PI4KA: variants seen among roughly 807,000 people sequenced by gnomAD.
The protein encoded by PI4KA is phosphatidylinositol 4-kinase alpha, also known as PI4-kinase alpha.
A neutral mutation model predicts 271.4 loss-of-function variants in PI4KA; 122 were observed. The ratio of observed to expected loss-of-function variants is 0.45; its 90% CI spans 0.39 to 0.52. The LOEUF (loss-of-function observed/expected upper bound fraction) is 0.52. Ranked by LOEUF, PI4KA falls within the 20% of genes least tolerant of loss-of-function variation. The pLI is 0.00. For missense variants in PI4KA, 1,969 were observed against 2,769.1 expected (o/e 0.71, Z 6.48); for synonymous variants, 1,041 against 1,078.8 (o/e 0.96, Z 0.69).
At chr22:20,847,726 C>T (rs771093170) in intron 1 of PI4KA, among the ~76,000 whole-genome samples, 2 of 149,014 alleles carry the variant, frequency 1.3e-5, no homozygotes, top group Non-Finnish European at 3.0e-5. Context: ...CACTGCTCTC[C>T]AGCCTGAGTG....
chr22:20,759,406 T>C (rs981050959), intron 23 of PI4KA, among the ~76,000 whole-genome samples: 100 of 135,448 alleles, frequency 7.4e-4, no homozygotes, highest in South Asian at 2.2e-3. Context: ...TCTTTTCTTT[T>C]TTTTTTTTTT....
intron 19 of PI4KA, among the ~76,000 whole-genome samples, chr22:20,780,666 C>A (rs1933707184): frequency 6.6e-6 from 1 of 151,030 alleles, no homozygotes. Flanking sequence ...CTCCCAGCTA[C>A]TTGGGAGGCT....
intron 32 of PI4KA, chr22:20,736,658 C>T (rs1055198158): frequency 6.5e-6 from 1 of 155,018 alleles, no homozygotes; most frequent in African/African-American, 2.4e-5. Flanking sequence ...CTGGCATCTA[C>T]AGTGAAGGGA....
intron 36 of PI4KA, among the ~76,000 whole-genome samples, chr22:20,732,475 T>C (rs568632492): frequency 6.6e-6 from 1 of 152,340 alleles, no homozygotes; most frequent in African/African-American, 2.4e-5. Context: ...GGTGCAGCCA[T>C]TCAGACTCAG....
intron 19 of PI4KA, among the ~76,000 whole-genome samples, chr22:20,791,961 C>A (rs1020762300): frequency 6.6e-6 from 1 of 151,872 alleles, no homozygotes; most frequent in Non-Finnish European, 1.5e-5. Context: ...ATTAGCCATG[C>A]GTGGTAGGGC....
Position 20,714,678 on chromosome 22 carries a change from A to G in PI4KA, c.5340T>C (p.Pro1780=). The G allele has an allele frequency of 2.5e-6, 4 of 1,613,990 alleles. No individual in the cohort carries two copies. The highest frequency in any genetic ancestry group is 3.4e-6 in the Non-Finnish European group (4 of 1,179,866). The change falls in exon 46 of 55, where the codon CCT becomes CCC. Residue 1780 remains proline, a synonymous_variant. Coordinates refer to ENST00000255882, the MANE Select transcript of PI4KA (RefSeq NM_058004.4). ...AGTCGATGTCCAGCACAATGGCCTC[A>G]GGGTTGCTGGGCAGGTAGCAGCCTG... ...VQPGCYLPSN[P]EAIVLDIDYK...
At chr22:20,763,362 G>A (rs371689588) in intron 22 of PI4KA, among the ~76,000 whole-genome samples, 46 of 151,730 alleles carry the variant, frequency 3.0e-4, no homozygotes, top group African/African-American at 1.1e-3. Flanking sequence ...TGCCTGCCTC[G>A]GCCTCCCAAA....
intron 28 of PI4KA, among the ~76,000 whole-genome samples, chr22:20,748,215 C>T (rs557388751): frequency 2.0e-5 from 3 of 152,346 alleles, no homozygotes; most frequent in South Asian, 2.1e-4. Flanking sequence ...GCCAATTCCC[C>T]GAGCGGCTGT....
intron 25 of PI4KA, among the ~76,000 whole-genome samples, chr22:20,751,968 C>T (rs1930753248): frequency 6.6e-6 from 1 of 152,196 alleles, no homozygotes; most frequent in African/African-American, 2.4e-5. Context: ...CAGGCCCCTG[C>T]CAGCCCCACT....
intron 26 of PI4KA, 104 bp from the exon 27 acceptor site, chr22:20,751,480 C>G: frequency 2.8e-6 from 3 of 1,089,312 alleles, no homozygotes; most frequent in Non-Finnish European, 4.1e-6. Flanking sequence ...TGTGACAGGC[C>G]TCCATACTTG....
At chr22:20,827,192 C>T in intron 3 of PI4KA, among the ~76,000 whole-genome samples, 1 of 152,156 alleles carries the variant, frequency 6.6e-6, no homozygotes, top group East Asian at 1.9e-4. Flanking sequence ...TAAGGTTTTA[C>T]ATCTAGATCT....
intron 1 of PI4KA, among the ~76,000 whole-genome samples, chr22:20,842,209 C>G (rs1366561039): frequency 6.6e-6 from 1 of 151,658 alleles, no homozygotes; most frequent in Non-Finnish European, 1.5e-5. Context: ...GCCTGGGCAA[C>G]AGAGCAAGAC....
chr22:20,758,283 T>C (rs1931532500), intron 23 of PI4KA, among the ~76,000 whole-genome samples: 1 of 141,444 alleles, frequency 7.1e-6, no homozygotes. Context: ...GAGAATGGCA[T>C]GAACCTGGGA....
At chr22:20,793,372 TGCAGAGAGAG>T (rs1278076143) in intron 18 of PI4KA, 129 bp from the exon 19 acceptor site, 1 of 597,306 alleles carries the variant, frequency 1.7e-6, no homozygotes, top group African/African-American at 1.9e-5. Context: ...ATGAGAGATA[TGCAGAGAGAG>T]GCAGAGAGAT....
Position 20,772,306 on chromosome 22 carries a change from G to A in PI4KA, c.2329-6613C>T, listed in dbSNP as rs150399298. On this transcript the variant is annotated intron_variant, in intron 19 of 54. Transcript: ENST00000255882. ...CCACCTGCTGGTCTGCAGGGATGGT[G>A]TCCTGGGCAGAAAGAATAGCAAGTG... is the stretch of plus-strand genomic sequence containing the variant. Among the ~76,000 whole-genome samples the A allele has an allele frequency of 2.0e-5, 3 of 152,312 alleles. No individual in the cohort carries two copies. In the East Asian group the frequency reaches 5.8e-4, roughly 29 times the overall value.
chr22:20,712,037 C>T (rs1451735868), intron 50 of PI4KA, among the ~76,000 whole-genome samples: 3 of 150,536 alleles, frequency 2.0e-5, no homozygotes, highest in Non-Finnish European at 3.0e-5. Flanking sequence ...GCACTGCGCC[C>T]GGCCAGGTGC....
At position 20,813,494 on chromosome 22, in the gene PI4KA, G is replaced by A. The variant is rs1192601228; in HGVS notation, c.869C>T (p.Pro290Leu). The change falls in exon 8 of 55, where the codon CCC becomes CTC. Residue 290 changes from proline (P) to leucine (L), a missense_variant. Physicochemically the swap from Pro to Leu is moderately conservative, Grantham distance 98. Around this residue, in one of 13 missense-constraint regions of PI4KA, gnomAD observed 540 missense variants for 555.5 expected, o/e 0.97. Transcript: ENST00000255882. The stretch of plus-strand genomic sequence containing the variant: ...CTCAGGCTCTAGGGCAGTCCCATCG[G>A]GCAAGCAGGAGGCTGGTGGGAGATA... ...AFHYFEASCLPDGTALEPEYY... is the reference protein window; with the variant it reads ...AFHYFEASCLLDGTALEPEYY... 3 of 1,613,768 alleles carry A rather than the reference G, an allele frequency of 1.9e-6. No individual in the cohort carries two copies. Among genetic ancestry groups the A allele is most frequent in the South Asian group, 1.1e-5 (1 of 91,030 alleles).
rs963474060 is a variant in PI4KA, at chr22:20,786,356, AG to A, written c.2328+6836del. The stretch of plus-strand genomic sequence containing the variant: ...GGCACCTGGCAGACACTTACTGGGC[AG>A]GGGGGATCCCAAGAGCAGCCATGGG... On this transcript the variant is annotated intron_variant, in intron 19 of 54. Transcript: ENST00000255882. Among the ~76,000 whole-genome samples, 257 of 152,274 alleles carry A rather than the reference AG, an allele frequency of 1.7e-3. 2 individuals carry two copies. The highest frequency in any genetic ancestry group is 6.0e-3 in the African/African-American group (248 of 41,550).
chr22:20,753,636 G>C (rs188124907), intron 23 of PI4KA, among the ~76,000 whole-genome samples: 3 of 152,250 alleles, frequency 2.0e-5, no homozygotes, highest in Admixed American at 6.5e-5. Flanking sequence ...GATAAGACTA[G>C]GGTTACAGGA....
Sources: allele counts gnomAD v4.1 joint callset (sites outside exome capture counted in the v4.1 genomes callset), GRCh38; gene constraint gnomAD v4.1.1; regional missense constraint gnomAD v4.1.1; transcripts MANE v1.5; gene names NCBI Gene and HGNC (gene_info 2026-07-23, HGNC 2026-07-21).